ARHGEF10: variants seen among roughly 807,000 people sequenced by gnomAD.
ARHGEF10 encodes the protein Rho guanine nucleotide exchange factor (GEF) 10.
In ARHGEF10, 140 loss-of-function variants were observed where a neutral mutation model predicts 147.4. That is an observed-to-expected ratio of 0.95 (90% confidence interval 0.83 to 1.09). ARHGEF10 has a LOEUF of 1.09. Among genes scored for constraint, ARHGEF10 ranks in the 50% least tolerant of loss-of-function variants. The pLI, the probability that ARHGEF10 is intolerant of heterozygous loss-of-function variation, is 0.00. For missense variants in ARHGEF10, 2,222 were observed against 1,752.7 expected (o/e 1.27, Z -4.78); for synonymous variants, 902 against 695.8 (o/e 1.30, Z -4.67).
rs1384066197 is a variant in ARHGEF10, at chr8:1,948,030, T to C, written c.3397+2375T>C. On this transcript the variant is annotated intron_variant, in intron 27 of 28. Transcript: ENST00000349830. This position sits in a 1 kb window ranked among gnomAD's most constrained non-coding sequence, Gnocchi z 4.9. Reference sequence around the variant, plus strand: ...TCGCAGCTGCCTGTGTTGCGTGTTTTGGATGATGAAGTTGTCTGTGGCTGG... The same window carrying C: ...TCGCAGCTGCCTGTGTTGCGTGTTTCGGATGATGAAGTTGTCTGTGGCTGG... Among the ~76,000 whole-genome samples, 3 of 152,000 alleles carry C rather than the reference T, an allele frequency of 2.0e-5. No individual in the cohort carries two copies. The highest frequency in any genetic ancestry group is 4.8e-5 in the African/African-American group (2 of 41,390).
At chr8:1,926,526 G>A in intron 23 of ARHGEF10, 63 bp downstream of exon 23, 1 of 1,466,396 alleles carries the variant, frequency 6.8e-7, no homozygotes, top group East Asian at 2.3e-5. Context: ...TGGTCGGTGT[G>A]ATGAGAGACT....
At chr8:1,894,603 G>C in intron 13 of ARHGEF10, 31 bp downstream of exon 13, 1 of 1,611,508 alleles carries the variant, frequency 6.2e-7, no homozygotes, top group Non-Finnish European at 8.5e-7. Context: ...GGATGTCCAT[G>C]GGGCTCTCCA....
rs757831866 is a variant in ARHGEF10, at chr8:1,860,039, TGAG to T, written c.343_345del (p.Glu115del). ...AGCCGCCCACCCCCGTGCCCAGCGC[TGAG>T]GAGGAGAATGTGGGTCTCCATGTGC... is the stretch of plus-strand genomic sequence containing the variant. On this transcript the variant is annotated inframe_deletion, in exon 4 of 29. Transcript: ENST00000349830. 1.9e-5 allele frequency: 30 copies of T among 1,613,978 alleles called. No individual in the cohort carries two copies. In the South Asian group the frequency reaches 2.7e-4, roughly 15 times the overall value.
At position 1,823,956 on chromosome 8, in the gene ARHGEF10, G is replaced by A. The variant is rs1350657453; in HGVS notation, c.-205G>A. Reference sequence around the variant, plus strand: ...CTGGGCGCATCCCTGTAGCCGGCGGGCGCGCGATCCGGGACGGACGGGGTC... The same window carrying A: ...CTGGGCGCATCCCTGTAGCCGGCGGACGCGCGATCCGGGACGGACGGGGTC... On this transcript the variant is annotated 5_prime_UTR_variant, in exon 1 of 29. Transcript: ENST00000349830. 2.7e-5 allele frequency: 4 copies of A among 150,336 alleles called. No individual in the cohort carries two copies. Among genetic ancestry groups the A allele is most frequent in the Admixed American group, 1.3e-4 (2 of 15,160 alleles). 9.3% of individuals were successfully genotyped at this position (150,336 alleles called of 1,614,324 possible).
chr8:1,949,918 C>G (rs967709091), intron 27 of ARHGEF10, among the ~76,000 whole-genome samples: 4 of 152,098 alleles, frequency 2.6e-5, no homozygotes, highest in Non-Finnish European at 5.9e-5. Flanking sequence ...ATTGCTTCTT[C>G]TACTCACTGT....
chr8:1,872,998 G>T (rs1807258212), intron 7 of ARHGEF10, among the ~76,000 whole-genome samples: 1 of 152,200 alleles, frequency 6.6e-6, no homozygotes, highest in African/African-American at 2.4e-5. Context: ...GTCGCTTCGG[G>T]CATTCCTCGC....
At chr8:1,923,924 A>G in intron 21 of ARHGEF10, 50 bp downstream of exon 21, 4 of 1,552,098 alleles carry the variant, frequency 2.6e-6, no homozygotes, top group Non-Finnish European at 3.6e-6. Flanking sequence ...GTGATGATGA[A>G]TTCCTGCCCA....
At chr8:1,825,928 A>G in intron 1 of ARHGEF10, 1 of 616,314 alleles carries the variant, frequency 1.6e-6, no homozygotes, top group Non-Finnish European at 2.9e-6. Flanking sequence ...CTGATTAATA[A>G]TATGTTTTGA....
At position 1,952,761 on chromosome 8, in the gene ARHGEF10, G is replaced by T; in HGVS notation, c.3454G>T (p.Gly1152Cys). The change falls in exon 28 of 29, where the codon GGC (glycine) becomes TGC (cysteine). Residue 1152 changes from glycine to cysteine, a missense_variant. Transcript: ENST00000349830. ...LLVCHGLLMV[G>C]TSLGVLVALP... ...CGTCTGCCACGGATTGCTGATGGTCGGCACCAGCCTGGGAGTCCTCGTGGC... is the reference window on the plus strand; with the variant it reads ...CGTCTGCCACGGATTGCTGATGGTCTGCACCAGCCTGGGAGTCCTCGTGGC... 1 of 1,613,492 alleles carries T rather than the reference G, an allele frequency of 6.2e-7. No individual in the cohort carries two copies. Among genetic ancestry groups the T allele is most frequent in the Non-Finnish European group, 8.5e-7 (1 of 1,180,040 alleles).
At chr8:1,838,712 G>A (rs935072036) in intron 1 of ARHGEF10, among the ~76,000 whole-genome samples, 7 of 152,284 alleles carry the variant, frequency 4.6e-5, no homozygotes, top group Non-Finnish European at 1.0e-4. Context: ...ATGCCATCTG[G>A]CGTGGAGGCC....
chr8:1,860,356 G>C (rs1806014537), intron 4 of ARHGEF10, among the ~76,000 whole-genome samples, 172 bp downstream of exon 4: 2 of 138,192 alleles, frequency 1.4e-5, no homozygotes, highest in Non-Finnish European at 3.0e-5. Flanking sequence ...CCCCGATGTG[G>C]CCTGTGGTTC....
chr8:1,886,698 G>C (rs190737313), intron 11 of ARHGEF10, among the ~76,000 whole-genome samples: 65 of 152,266 alleles, frequency 4.3e-4, no homozygotes, highest in African/African-American at 1.3e-3. Context: ...CCCCGTGCCC[G>C]GTCCCTGGTG....
chr8:1,956,008 G>C (rs528345984), intron 28 of ARHGEF10, among the ~76,000 whole-genome samples: 1 of 152,346 alleles, frequency 6.6e-6, no homozygotes, highest in African/African-American at 2.4e-5. Flanking sequence ...GGCCAGAGTA[G>C]GATGATGGTG....
At chr8:1,843,620 G>T (rs1475672202) in intron 2 of ARHGEF10, among the ~76,000 whole-genome samples, 184 bp downstream of exon 2, 1 of 152,202 alleles carries the variant, frequency 6.6e-6, no homozygotes, top group African/African-American at 2.4e-5. Context: ...TGCCACGGGG[G>T]CATCCTGGGT....
chr8:1,913,136 G>C (rs1811501524), intron 18 of ARHGEF10, among the ~76,000 whole-genome samples: 1 of 152,142 alleles, frequency 6.6e-6, no homozygotes, highest in African/African-American at 2.4e-5. Flanking sequence ...AGGAGTTGTG[G>C]GGGTGGGTGG....
intron 28 of ARHGEF10, 152 bp downstream of exon 28, chr8:1,952,979 T>A: frequency 8.8e-7 from 1 of 1,136,436 alleles, no homozygotes; most frequent in Non-Finnish European, 1.2e-6. Context: ...AATAGACTGT[T>A]TAATTGGAAT....
At chr8:1,876,769 C>T (rs1306618946) in intron 8 of ARHGEF10, 35 bp downstream of exon 8, 2 of 1,611,358 alleles carry the variant, frequency 1.2e-6, no homozygotes, top group Admixed American at 1.7e-5. Flanking sequence ...GGATGGTTCT[C>T]TCGCGTTAAC....
intron 11 of ARHGEF10, among the ~76,000 whole-genome samples, chr8:1,892,062 C>G (rs937591354): frequency 2.0e-5 from 3 of 150,104 alleles, no homozygotes; most frequent in Non-Finnish European, 4.4e-5. Context: ...TACACAAATA[C>G]ATTTTTATGT....
Position 1,922,963 on chromosome 8 carries a change from G to C in ARHGEF10, c.2144-1G>C. 1 of 1,604,742 alleles carries C rather than the reference G, an allele frequency of 6.2e-7. No individual in the cohort carries two copies. The highest frequency in any genetic ancestry group is 8.5e-7 in the Non-Finnish European group (1 of 1,172,638). On this transcript the variant is annotated splice_acceptor_variant, in intron 18 of 28. Coordinates refer to ENST00000349830, the MANE Select transcript of ARHGEF10 (RefSeq NM_014629.4). LOFTEE classifies it high-confidence loss of function. ...TTTTTTTCTTTTTGCTTATTTTGTA[G>C]ACAAAGTTTACATGGGGCCAGGACA...
Sources: allele counts gnomAD v4.1 joint callset (sites outside exome capture counted in the v4.1 genomes callset), GRCh38; gene constraint gnomAD v4.1.1; non-coding constraint Gnocchi (gnomAD v3.1); transcripts MANE v1.5; gene names NCBI Gene and HGNC (gene_info 2026-07-23, HGNC 2026-07-21).